Variants in EHBP1 observed in about 807,000 individuals in gnomAD.
The protein encoded by EHBP1 is EH domain binding protein 1.
In EHBP1, 55 loss-of-function variants were observed where a neutral mutation model predicts 144.0. That is an observed-to-expected ratio of 0.38 (90% confidence interval 0.31 to 0.48). The LOEUF (loss-of-function observed/expected upper bound fraction) is 0.48. EHBP1 is among the 20% of genes least tolerant of loss of function. EHBP1 has a pLI of 0.98. For missense variants in EHBP1, 1,200 were observed against 1,364.2 expected (o/e 0.88, Z 1.90); for synonymous variants, 469 against 472.7 (o/e 0.99, Z 0.10).
intron 10 of EHBP1, among the ~76,000 whole-genome samples, chr2:62,882,975 G>A (rs951200646): frequency 6.6e-6 from 1 of 151,412 alleles, no homozygotes; most frequent in Non-Finnish European, 1.5e-5. Context: ...GAGCAACTGA[G>A]GATACACACA....
intron 14 of EHBP1, among the ~76,000 whole-genome samples, chr2:62,970,911 A>G (rs1001490174): frequency 1.3e-5 from 2 of 152,206 alleles, no homozygotes; most frequent in Non-Finnish European, 2.9e-5. Context: ...TAAAATTAAA[A>G]GTAGCACCAT....
chr2:62,685,279 C>T (rs950424171), intron 1 of EHBP1, among the ~76,000 whole-genome samples: 3 of 151,922 alleles, frequency 2.0e-5, no homozygotes, highest in Non-Finnish European at 4.4e-5. Context: ...TCACTTTGTA[C>T]CCCATAAATA....
chr2:62,764,300 A>T lies in EHBP1; in HGVS notation c.197A>T (p.Tyr66Phe). ...TGGCAACCTGGAATAAAAAATCCCT[A>T]TCGTGGTGTTGTTGTGTGGCCTGTT... ...HSWQPGIKNPYRGVVVWPVPE... is the reference protein window; with the variant it reads ...HSWQPGIKNPFRGVVVWPVPE... The change falls in exon 4 of 23, where the codon TAT (tyrosine) becomes TTT (phenylalanine). Residue 66 changes from tyrosine to phenylalanine, a missense_variant. Around this residue, in one of 6 missense-constraint regions of EHBP1, gnomAD observed 137 missense variants for 190.1 expected, o/e 0.72. Transcript: ENST00000431489. 6.3e-7 allele frequency: 1 copy of T among 1,578,932 alleles called. No homozygotes were observed. The highest frequency in any genetic ancestry group is 8.6e-7 in the Non-Finnish European group (1 of 1,164,928).
chr2:62,765,362 TAA>T (rs2041097331), intron 4 of EHBP1, among the ~76,000 whole-genome samples: 1 of 152,126 alleles, frequency 6.6e-6, no homozygotes, highest in Non-Finnish European at 1.5e-5. Flanking sequence ...TTCATTGCTT[TAA>T]GAGTTAATAT....
intron 14 of EHBP1, among the ~76,000 whole-genome samples, chr2:62,978,663 T>G (rs182773982): frequency 3.3e-5 from 5 of 152,282 alleles, no homozygotes; most frequent in Admixed American, 3.3e-4. Context: ...TTGTTGATAG[T>G]TTTTAAATCA....
rs141006599 is a variant in EHBP1 at position 62,898,652 on chromosome 2, A to G, written c.1185+24120A>G. Among the ~76,000 whole-genome samples the G allele has an allele frequency of 4.5e-4, 68 of 152,150 alleles. No homozygotes were observed. The East Asian group carries it at 8.9e-3, about 20-fold the overall frequency. On this transcript the variant is annotated intron_variant, in intron 10 of 22. Transcript: ENST00000431489. Reference sequence around the variant, plus strand: ...ATGTACTTTGGTCTTCTTTATTTCTATATCCTTAGAGCCTAGCATTGGTGC... The same window carrying G: ...ATGTACTTTGGTCTTCTTTATTTCTGTATCCTTAGAGCCTAGCATTGGTGC...
chr2:62,882,624 T>C (rs1200587760), intron 10 of EHBP1, among the ~76,000 whole-genome samples: 2 of 152,208 alleles, frequency 1.3e-5, no homozygotes, highest in African/African-American at 4.8e-5. Flanking sequence ...GGCTCACGCC[T>C]GTAATCCCAG....
At chr2:62,944,750 A>G (rs1263133492) in intron 12 of EHBP1, among the ~76,000 whole-genome samples, 1 of 152,184 alleles carries the variant, frequency 6.6e-6, no homozygotes, top group Non-Finnish European at 1.5e-5. Flanking sequence ...GGGCCAGCTA[A>G]CTGTGGCCAC....
chr2:62,699,650 C>T (rs1006725083), intron 1 of EHBP1, among the ~76,000 whole-genome samples: 2 of 152,182 alleles, frequency 1.3e-5, no homozygotes, highest in Non-Finnish European at 2.9e-5. Flanking sequence ...GACAACTAGG[C>T]CAACGTTTAC....
At chr2:62,797,659 G>A (rs1447454032) in intron 5 of EHBP1, among the ~76,000 whole-genome samples, 1 of 152,158 alleles carries the variant, frequency 6.6e-6, no homozygotes, top group Non-Finnish European at 1.5e-5. Flanking sequence ...AGGATACCCA[G>A]GCATGAGCTC....
At chr2:62,716,266 C>T (rs1360413810) in intron 2 of EHBP1, among the ~76,000 whole-genome samples, 2 of 152,074 alleles carry the variant, frequency 1.3e-5, no homozygotes, top group Admixed American at 6.5e-5. Flanking sequence ...TTGGACAATT[C>T]TAAGGCTTCA....
chr2:62,963,959 G>A (rs906019215), intron 14 of EHBP1, among the ~76,000 whole-genome samples: 14 of 151,458 alleles, frequency 9.2e-5, no homozygotes, highest in Non-Finnish European at 1.3e-4. Context: ...TTATAGTTGC[G>A]TTTTAGAGGA....
Position 63,045,544 on chromosome 2 carries a change from C to T in EHBP1, c.*44C>T, listed in dbSNP as rs755036371. ...TCTCTCCCAACATTTTAGAGTCTTG[C>T]TTCCCAAACCAGAAAAAGTCAGACT... On this transcript the variant is annotated 3_prime_UTR_variant, in exon 23 of 23. Coordinates refer to ENST00000431489, the MANE Select transcript of EHBP1 (RefSeq NM_001142616.3). This position sits in a 1 kb window ranked among gnomAD's most constrained non-coding sequence, Gnocchi z 5.7. The T allele has an allele frequency of 1.3e-6, 2 of 1,486,836 alleles. No individual in the cohort carries two copies. Among genetic ancestry groups the T allele is most frequent in the East Asian group, 4.6e-5 (2 of 43,216 alleles). 92.1% of individuals were successfully genotyped at this position (1,486,836 alleles called of 1,614,324 possible).
upstream of EHBP1, among the ~76,000 whole-genome samples, chr2:62,701,585 G>A (rs1363470748): frequency 1.3e-5 from 2 of 152,088 alleles, no homozygotes; most frequent in Admixed American, 1.3e-4. Flanking sequence ...AGCAAAGACC[G>A]GCCTAAATGA....
intron 3 of EHBP1, among the ~76,000 whole-genome samples, chr2:62,748,328 T>G (rs1426123270): frequency 6.6e-6 from 1 of 152,090 alleles, no homozygotes; most frequent in Non-Finnish European, 1.5e-5. Context: ...CCGAATTTTA[T>G]AATATTCAAT....
chr2:62,949,077 A>G lies in EHBP1; in HGVS notation c.2231A>G (p.His744Arg), dbSNP rs772640266. The change falls in exon 13 of 23, where the codon CAT becomes CGT. Residue 744 changes from histidine to arginine, a missense_variant. Coordinates refer to ENST00000431489, the MANE Select transcript of EHBP1 (RefSeq NM_001142616.3). ...SRDLDLAKKKHASLRQTESDP... is the reference protein window; with the variant it reads ...SRDLDLAKKKRASLRQTESDP... ...GATCTAGACCTTGCTAAGAAAAAACATGCTTCCCTGAGGCAGACGGAGTCT... is the reference window on the plus strand; with the variant it reads ...GATCTAGACCTTGCTAAGAAAAAACGTGCTTCCCTGAGGCAGACGGAGTCT... 1 of 1,607,762 alleles carries G rather than the reference A, an allele frequency of 6.2e-7. No homozygotes were observed. The highest frequency in any genetic ancestry group is 8.5e-7 in the Non-Finnish European group (1 of 1,178,566).
intron 15 of EHBP1, among the ~76,000 whole-genome samples, chr2:62,984,397 C>T (rs2059103246): frequency 6.6e-6 from 1 of 152,110 alleles, no homozygotes; most frequent in Non-Finnish European, 1.5e-5. Context: ...CTCCTTTTAC[C>T]TTTTCCTGCA....
At chr2:62,940,029 G>T in intron 10 of EHBP1, 1 of 363,390 alleles carries the variant, frequency 2.8e-6, no homozygotes, top group South Asian at 2.3e-5. Flanking sequence ...AATCCCTGAA[G>T]AAGTGTGTGC....
In EHBP1 at chr2:62,788,478, C is replaced by CA. The variant is rs1164965503; in HGVS notation, c.312+17096dup. On this transcript the variant is annotated intron_variant, in intron 5 of 22. Transcript: ENST00000431489. ...CATGTTATGGACTTTTCCTGTGTAC[C>CA]AAAAAAAAAACCCTGTTGTTATTTT... Among the ~76,000 whole-genome samples the CA allele has an allele frequency of 2.3e-3, 329 of 144,136 alleles. 1 individual carries two copies. The highest frequency in any genetic ancestry group is 0.012 in the East Asian group (59 of 5,018). 94.6% of individuals were successfully genotyped at this position (144,136 alleles called of 152,430 possible).
Sources: allele counts gnomAD v4.1 joint callset (sites outside exome capture counted in the v4.1 genomes callset), GRCh38; gene constraint gnomAD v4.1.1; regional missense constraint gnomAD v4.1.1; non-coding constraint Gnocchi (gnomAD v3.1); transcripts MANE v1.5; gene names NCBI Gene and HGNC (gene_info 2026-07-23, HGNC 2026-07-21).